FAM167A: variants seen among roughly 807,000 people sequenced by gnomAD.
The protein encoded by FAM167A is protein FAM167A.
In FAM167A, 23 loss-of-function variants were observed where a neutral mutation model predicts 14.9. That is an observed-to-expected ratio of 1.55 (90% confidence interval 1.11 to 2.19). FAM167A has a LOEUF of 2.19. Among genes scored for constraint, FAM167A ranks in the 30% most tolerant of loss-of-function variants. The probability of loss-of-function intolerance (pLI) is 0.00; values close to 1 mark genes in which losing one functional copy is unlikely to be tolerated. For synonymous variants in FAM167A, 174 were observed against 117.7 expected, an observed-to-expected ratio of 1.48 and a Z score of -3.10; for missense variants, 401 against 281.5, an observed-to-expected ratio of 1.42 and a Z score of -3.04.
At position 11,423,267 on chromosome 8, in the gene FAM167A, C is replaced by A. The variant is rs373562285; in HGVS notation, c.*1106G>T. 6.6e-6 allele frequency: 1 copy of A among 152,348 alleles called. No homozygotes were observed. Among genetic ancestry groups the A allele is most frequent in the African/African-American group, 2.4e-5 (1 of 41,450 alleles). 9.4% of individuals were successfully genotyped at this position (152,348 alleles called of 1,614,324 possible). Reference sequence around the variant, plus strand: ...CCTGCTGGGGTCTTAACTTGCTGATCCTCAAGCCTGTTGGGAGGGAGAAAC... The same window carrying A: ...CCTGCTGGGGTCTTAACTTGCTGATACTCAAGCCTGTTGGGAGGGAGAAAC... On this transcript the variant is annotated 3_prime_UTR_variant, in exon 3 of 3. Transcript: ENST00000284486.
At chr8:11,460,693 C>T (rs1305477982) in intron 1 of FAM167A, among the ~76,000 whole-genome samples, 2 of 152,130 alleles carry the variant, frequency 1.3e-5, no homozygotes, top group Admixed American at 1.3e-4. Flanking sequence ...GCTAGGGAGG[C>T]CTTCCTAAGA....
At chr8:11,457,926 C>T (rs1189932128) in intron 1 of FAM167A, among the ~76,000 whole-genome samples, 1 of 152,214 alleles carries the variant, frequency 6.6e-6, no homozygotes, top group Non-Finnish European at 1.5e-5. Flanking sequence ...CAGACATCAG[C>T]TCCTTGAGGG....
chr8:11,454,985 G>A (rs889472717), intron 1 of FAM167A, among the ~76,000 whole-genome samples: 2 of 150,914 alleles, frequency 1.3e-5, no homozygotes, highest in East Asian at 1.9e-4. Flanking sequence ...TAGCCCTGGC[G>A]CTCATCTCTT....
intron 1 of FAM167A, among the ~76,000 whole-genome samples, chr8:11,474,105 C>T (rs1206454200): frequency 1.3e-5 from 2 of 152,104 alleles, no homozygotes; most frequent in Admixed American, 1.3e-4. Context: ...GAACCCCTGA[C>T]CTCAGGTGAT....
chr8:11,461,028 G>A (rs963246403), intron 1 of FAM167A, among the ~76,000 whole-genome samples: 4 of 152,226 alleles, frequency 2.6e-5, no homozygotes, highest in East Asian at 1.9e-4. Flanking sequence ...CATTTAGCCC[G>A]GTGAAAGAGG....
At chr8:11,456,419 G>C (rs1280220747) in intron 1 of FAM167A, among the ~76,000 whole-genome samples, 5 of 119,174 alleles carry the variant, frequency 4.2e-5, no homozygotes, top group African/African-American at 1.6e-4. Context: ...TGGTTGCCTT[G>C]CTGGGTGTAT....
At chr8:11,427,626 G>T (rs12156238) in intron 2 of FAM167A, among the ~76,000 whole-genome samples, 2 of 152,064 alleles carry the variant, frequency 1.3e-5, no homozygotes, top group African/African-American at 4.8e-5. Context: ...AAAATTAAGT[G>T]ACCTTGCCAG....
At chr8:11,432,444 T>C (rs1180983341) in intron 2 of FAM167A, among the ~76,000 whole-genome samples, 1 of 152,168 alleles carries the variant, frequency 6.6e-6, no homozygotes, top group African/African-American at 2.4e-5. Flanking sequence ...AAGACATTTA[T>C]GTAGCCAACA....
At chr8:11,446,363 T>G (rs1047471581) in intron 1 of FAM167A, 25 of 151,846 alleles carry the variant, frequency 1.6e-4, no homozygotes, top group African/African-American at 6.1e-4. Flanking sequence ...TGAGAAGGAA[T>G]AGTCCACCCC....
intron 2 of FAM167A, chr8:11,435,051 C>T (rs1458630710): frequency 2.2e-6 from 1 of 456,924 alleles, no homozygotes; most frequent in South Asian, 1.5e-5. Flanking sequence ...CAATCTGTCT[C>T]CACTCAAGAG....
upstream of FAM167A, among the ~76,000 whole-genome samples, chr8:11,471,451 C>A (rs1258265555): frequency 1.3e-5 from 2 of 152,104 alleles, no homozygotes; most frequent in Non-Finnish European, 2.9e-5. Flanking sequence ...ATGAGGCCCC[C>A]CGCATGTCCC....
intron 2 of FAM167A, chr8:11,438,196 T>C (rs1231084077): frequency 1.3e-5 from 6 of 451,796 alleles, no homozygotes; most frequent in African/African-American, 1.2e-4. Flanking sequence ...GGAATCGCCA[T>C]GAGCTGCTAT....
rs58573983 is a variant in FAM167A, at chr8:11,422,445, T to C, written c.*1928A>G. The C allele has an allele frequency of 0.03, 4,470 of 149,820 alleles. 180 individuals are homozygous for C. Among genetic ancestry groups the C allele is most frequent in the African/African-American group, 0.092 (3,703 of 40,404 alleles). The allele number at this position is 149,820 out of a possible 1,614,324, so 9.3% of individuals were successfully genotyped here. A position where few individuals can be genotyped will look rare whatever the true frequency, so the allele number is the denominator to read the frequency against. ...CCTCAAGGGCTTATCTGGAAAGAGG[T>C]TGGCAGGAAAGGAATGCGTCTTCAG... On this transcript the variant is annotated 3_prime_UTR_variant, in exon 3 of 3. Transcript: ENST00000284486.
Position 11,424,198 on chromosome 8 carries a change from C to T in FAM167A, c.*175G>A, listed in dbSNP as rs954379717. ...AGTCACAGAGACACTGGCATCCACA[C>T]CCAGGGCCCCTGGGTGGGAGAGCAC... On this transcript the variant is annotated 3_prime_UTR_variant, in exon 3 of 3. Coordinates refer to ENST00000284486, the MANE Select transcript of FAM167A (RefSeq NM_053279.3). 2.0e-5 allele frequency: 15 copies of T among 743,304 alleles called. No individual in the cohort carries two copies. In the East Asian group the frequency reaches 3.6e-4, roughly 18 times the overall value. 46.0% of individuals were successfully genotyped at this position (743,304 alleles called of 1,614,324 possible). A position where few individuals can be genotyped will look rare whatever the true frequency, so the allele number is the denominator to read the frequency against.
chr8:11,424,035 C>G lies in FAM167A; in HGVS notation c.*338G>C, dbSNP rs1804953141. ...GTTGGGGGGCCTCCCTTTGGGAATC[C>G]CAGTTCATAGCACCAGTGATTCCAG... On this transcript the variant is annotated 3_prime_UTR_variant, in exon 3 of 3. Transcript: ENST00000284486. 7.8e-6 allele frequency: 2 copies of G among 256,712 alleles called. No homozygotes were observed. The highest frequency in any genetic ancestry group is 1.6e-4 in the South Asian group (2 of 12,362). The allele number at this position is 256,712 out of a possible 1,614,324, so 15.9% of individuals were successfully genotyped here. A position where few individuals can be genotyped will look rare whatever the true frequency, so the allele number is the denominator to read the frequency against.
At chr8:11,463,258 T>C (rs1807608589) in intron 1 of FAM167A, among the ~76,000 whole-genome samples, 2 of 152,226 alleles carry the variant, frequency 1.3e-5, no homozygotes, top group South Asian at 4.1e-4. Context: ...AGTGCCTTTG[T>C]GACTGGAGGG....
In FAM167A at chr8:11,424,278, G is replaced by C. The variant is rs1356417813; in HGVS notation, c.*95C>G. 6.5e-7 allele frequency: 1 copy of C among 1,536,950 alleles called. No individual in the cohort carries two copies. The highest frequency in any genetic ancestry group is 1.4e-5 in the African/African-American group (1 of 72,982). On this transcript the variant is annotated 3_prime_UTR_variant, in exon 3 of 3. Transcript: ENST00000284486. ...GCCAGTCCCAGGGACCCCTGCCTCC[G>C]GGAGACCCACTGGAGTAACTTGGCC...
In FAM167A at chr8:11,422,167, C is replaced by T. The variant is rs1804773430; in HGVS notation, c.*2206G>A. ...GGGTTACCCAAGCAACTAAATCACT[C>T]AGTTGCATCCAACTTAATTGGACTG... On this transcript the variant is annotated 3_prime_UTR_variant, in exon 3 of 3. Transcript: ENST00000284486. The T allele has an allele frequency of 4.4e-6, 1 of 226,818 alleles. No homozygotes were observed. The highest frequency in any genetic ancestry group is 8.5e-6 in the Non-Finnish European group (1 of 117,390). The allele number at this position is 226,818 out of a possible 1,614,324, so 14.1% of individuals were successfully genotyped here.
At chr8:11,427,086 C>CTATCT (rs1805223085) in intron 2 of FAM167A, among the ~76,000 whole-genome samples, 1 of 152,228 alleles carries the variant, frequency 6.6e-6, no homozygotes, top group Non-Finnish European at 1.5e-5. Flanking sequence ...GTCTTTGCAG[C>CTATCT]TATCTTATCT....
Sources: gnomAD v4.1 joint callset for allele counts (sites outside exome capture counted in the v4.1 genomes callset) on GRCh38, gnomAD v4.1.1 for gene constraint, MANE v1.5 for transcripts, NCBI Gene and HGNC (gene_info 2026-07-23, HGNC 2026-07-21) for gene names.